LCOR: variants seen among roughly 807,000 people sequenced by gnomAD.
LCOR encodes the protein ligand-dependent corepressor.
LCOR carries 14 observed loss-of-function variants against 64.4 expected under a neutral mutation model. That is an observed-to-expected ratio of 0.22 (90% CI 0.14 to 0.34). The LOEUF (loss-of-function observed/expected upper bound fraction) is 0.34. Among genes scored for constraint, LCOR ranks in the 10% least tolerant of loss-of-function variants. The pLI, the probability that LCOR is intolerant of heterozygous loss-of-function variation, is 1.00. For missense variants in LCOR, 1,686 were observed against 1,765.3 expected (o/e 0.96, Z 0.80); for synonymous variants, 643 against 642.5 (o/e 1.00, Z -0.01).
intron 7 of LCOR, among the ~76,000 whole-genome samples, chr10:96,973,960 T>G (rs1187423768): frequency 1.3e-5 from 2 of 152,216 alleles, no homozygotes; most frequent in Non-Finnish European, 2.9e-5. Context: ...TAAGATAACA[T>G]AAGCATTGCC....
intron 2 of LCOR, among the ~76,000 whole-genome samples, chr10:96,841,382 A>G (rs1283268959): frequency 1.0e-5 from 1 of 99,094 alleles, no homozygotes; most frequent in African/African-American, 6.8e-5. Context: ...TTTTTTTTTG[A>G]GACAGTCTTG....
chr10:96,863,008 G>C (rs1250702418), intron 2 of LCOR, among the ~76,000 whole-genome samples: 4 of 150,640 alleles, frequency 2.7e-5, no homozygotes, highest in Non-Finnish European at 4.4e-5. Context: ...AGCCTCCCAG[G>C]TAGCTGGGAT....
rs1371771053 is a variant in LCOR, at chr10:96,989,695, A to ATATATATATTT, written c.*4562_*4563insATATATATTTT. 7 of 86,160 alleles carry ATATATATATTT rather than the reference A, an allele frequency of 8.1e-5. 1 individual carries two copies. Among genetic ancestry groups the ATATATATATTT allele is most frequent in the African/African-American group, 3.1e-4 (5 of 16,170 alleles). 5.3% of individuals were successfully genotyped at this position (86,160 alleles called of 1,614,324 possible). On this transcript the variant is annotated 3_prime_UTR_variant, in exon 8 of 8. Coordinates refer to ENST00000421806, the MANE Select transcript of LCOR (RefSeq NM_001346516.2). ...TAAGGATATATATATATATATATAT[A>ATATATATATTT]TTTTTTTTTTTTTTTTTTTTTTTTA...
chr10:96,985,170 T>G lies in LCOR; in HGVS notation c.*36T>G. ...GGTAGCCAAGAGTAAAACTGTTCTA[T>G]AGAAGTAACCTTTTATTTTGCATTA... On this transcript the variant is annotated 3_prime_UTR_variant, in exon 8 of 8. Coordinates refer to ENST00000421806, the MANE Select transcript of LCOR (RefSeq NM_001346516.2). The G allele has an allele frequency of 9.7e-6, 15 of 1,540,204 alleles. No individual in the cohort carries two copies. Among genetic ancestry groups the G allele is most frequent in the Non-Finnish European group, 1.3e-5 (15 of 1,148,794 alleles).
intron 7 of LCOR, chr10:96,956,542 T>G: frequency 1.0e-6 from 1 of 985,224 alleles, no homozygotes; most frequent in South Asian, 4.7e-5. Flanking sequence ...CTATTAAATT[T>G]ATTTAAATTA....
chr10:96,911,586 TA>T (rs1846835778), intron 4 of LCOR, among the ~76,000 whole-genome samples: 1 of 152,320 alleles, frequency 6.6e-6, no homozygotes, highest in East Asian at 1.9e-4. Flanking sequence ...GAGCAAGAAT[TA>T]AGTAGGTCTT....
intron 4 of LCOR, among the ~76,000 whole-genome samples, chr10:96,911,962 C>T (rs745654264): frequency 6.6e-6 from 1 of 151,464 alleles, no homozygotes; most frequent in Non-Finnish European, 1.5e-5. Context: ...GAGATGGAGT[C>T]TCACTGTTGC....
intron 4 of LCOR, among the ~76,000 whole-genome samples, chr10:96,929,382 T>C (rs371479130): frequency 7.2e-5 from 11 of 152,358 alleles, no homozygotes; most frequent in African/African-American, 2.4e-4. Context: ...ACTTTTGTTG[T>C]TACAGAGATG....
chr10:96,916,005 C>G (rs962881881), intron 4 of LCOR: 10 of 182,096 alleles, frequency 5.5e-5, no homozygotes, highest in Admixed American at 5.3e-4. Context: ...TCACACTGTT[C>G]CCATTGAAAG....
At chr10:96,908,280 C>T (rs531960605) in intron 4 of LCOR, among the ~76,000 whole-genome samples, 8 of 152,230 alleles carry the variant, frequency 5.3e-5, no homozygotes, top group South Asian at 2.1e-4. Flanking sequence ...CATGAGCCAC[C>T]GCGCCCAGCC....
At chr10:96,952,074 T>A in intron 6 of LCOR, 29 bp from the exon 7 acceptor site, 1 of 1,525,646 alleles carries the variant, frequency 6.6e-7, no homozygotes, top group South Asian at 1.1e-5. Flanking sequence ...GCTTTTAATA[T>A]CCTCAGGTGT....
At chr10:96,959,784 C>T (rs1847851105) in intron 7 of LCOR, 1 of 152,116 alleles carries the variant, frequency 6.6e-6, no homozygotes, top group Non-Finnish European at 1.5e-5. Flanking sequence ...TAAACCTTTG[C>T]TGCAGCAGAT....
At chr10:96,944,699 C>G (rs890096022) in intron 5 of LCOR, among the ~76,000 whole-genome samples, 1 of 151,020 alleles carries the variant, frequency 6.6e-6, no homozygotes, top group Non-Finnish European at 1.5e-5. Context: ...TCTTGTTTCA[C>G]TAAAATTTTT....
intron 4 of LCOR, among the ~76,000 whole-genome samples, chr10:96,917,332 T>C (rs1846970077): frequency 6.6e-6 from 1 of 152,194 alleles, no homozygotes; most frequent in African/African-American, 2.4e-5. Context: ...TTGTGGAATA[T>C]TGGGGAAACT....
At chr10:96,859,133 G>A (rs1845848332) in intron 2 of LCOR, among the ~76,000 whole-genome samples, 1 of 152,134 alleles carries the variant, frequency 6.6e-6, no homozygotes, top group South Asian at 2.1e-4. Context: ...CAGGATCCAG[G>A]AGTTTTAACT....
chr10:96,848,953 T>C (rs1393597688), intron 2 of LCOR, among the ~76,000 whole-genome samples: 1 of 151,816 alleles, frequency 6.6e-6, no homozygotes, highest in African/African-American at 2.4e-5. Context: ...ATCTATGTTT[T>C]TGAAACTATC....
intron 4 of LCOR, among the ~76,000 whole-genome samples, chr10:96,920,078 A>T (rs1442786450): frequency 6.6e-6 from 1 of 152,150 alleles, no homozygotes; most frequent in Non-Finnish European, 1.5e-5. Flanking sequence ...AGACTTTGCC[A>T]CATCAGCTGC....
chr10:96,865,952 C>T (rs1035408589), intron 2 of LCOR, among the ~76,000 whole-genome samples: 1 of 151,724 alleles, frequency 6.6e-6, no homozygotes, highest in Non-Finnish European at 1.5e-5. Context: ...CCTTTTCTGG[C>T]CAATCTCTTA....
At chr10:96,929,829 A>G (rs572572974) in intron 4 of LCOR, among the ~76,000 whole-genome samples, 1 of 152,320 alleles carries the variant, frequency 6.6e-6, no homozygotes, top group African/African-American at 2.4e-5. Context: ...GTCATTGTAA[A>G]GTATATTAAC....
Sources: gnomAD v4.1 joint callset for allele counts (sites outside exome capture counted in the v4.1 genomes callset) on GRCh38, gnomAD v4.1.1 for gene constraint, MANE v1.5 for transcripts, NCBI Gene and HGNC (gene_info 2026-07-23, HGNC 2026-07-21) for gene names.